Variants in HCN1 observed in about 807,000 individuals in gnomAD.
The protein encoded by HCN1 is hyperpolarization activated cyclic nucleotide gated potassium channel 1.
HCN1 carries 13 observed loss-of-function variants against 78.9 expected under a neutral mutation model. The observed-to-expected ratio is 0.16, with a 90% CI of 0.11 to 0.26. The LOEUF is 0.26. Ranked by LOEUF, HCN1 falls within the 10% of genes least tolerant of loss-of-function variation. HCN1 has a pLI of 1.00. For synonymous variants in HCN1, 552 were observed against 455.5 expected (o/e 1.21, Z -2.70); for missense variants, 810 against 1,154.3 (o/e 0.70, Z 4.32).
chr5:45,616,702 T>C (rs1036847680), intron 2 of HCN1, among the ~76,000 whole-genome samples: 1 of 152,000 alleles, frequency 6.6e-6, no homozygotes, highest in African/African-American at 2.4e-5. Flanking sequence ...TGAAAAAATA[T>C]CCTTTGGCTC....
intron 2 of HCN1, among the ~76,000 whole-genome samples, chr5:45,477,827 C>A (rs1741550115): frequency 6.6e-6 from 1 of 151,846 alleles, no homozygotes. Context: ...CTGCATAAAA[C>A]AAAATTTTAA....
intron 5 of HCN1, among the ~76,000 whole-genome samples, chr5:45,341,447 G>T (rs1227340089): frequency 6.6e-6 from 1 of 152,182 alleles, no homozygotes; most frequent in African/African-American, 2.4e-5. Flanking sequence ...GCTTTCAATG[G>T]AAGTTTTAAA....
chr5:45,330,845 A>G (rs1746329292), intron 5 of HCN1, among the ~76,000 whole-genome samples: 1 of 151,190 alleles, frequency 6.6e-6, no homozygotes, highest in Non-Finnish European at 1.5e-5. Context: ...TATATATTGG[A>G]AATTTTATCT....
intron 3 of HCN1, among the ~76,000 whole-genome samples, chr5:45,459,798 C>CT (rs965842047): frequency 2.0e-5 from 3 of 152,016 alleles, no homozygotes; most frequent in Non-Finnish European, 2.9e-5. Flanking sequence ...AATGAATCAT[C>CT]TTTTGGCAGT....
intron 2 of HCN1, among the ~76,000 whole-genome samples, chr5:45,639,746 G>A (rs1465866161): frequency 6.6e-6 from 1 of 152,134 alleles, no homozygotes; most frequent in East Asian, 1.9e-4. Context: ...GACACCGACT[G>A]CATACAAAAA....
intron 1 of HCN1, among the ~76,000 whole-genome samples, chr5:45,649,439 A>G (rs1161924424): frequency 3.3e-5 from 5 of 152,146 alleles, no homozygotes; most frequent in Non-Finnish European, 7.4e-5. Context: ...ACCAGAGCCC[A>G]CAGTTTACAT....
At chr5:45,400,397 T>TA (rs1739768992) in intron 3 of HCN1, among the ~76,000 whole-genome samples, 1 of 144,640 alleles carries the variant, frequency 6.9e-6, no homozygotes, top group Non-Finnish European at 1.5e-5. Flanking sequence ...AAAAATGCTT[T>TA]TTTTTTTTTT....
intron 2 of HCN1, among the ~76,000 whole-genome samples, chr5:45,626,334 G>A (rs758300331): frequency 2.6e-4 from 40 of 151,960 alleles, no homozygotes; most frequent in Admixed American, 7.2e-4. Context: ...GAAATACTAC[G>A]CTCAGCAATG....
At chr5:45,657,346 T>C (rs1208240566) in intron 1 of HCN1, among the ~76,000 whole-genome samples, 1 of 152,188 alleles carries the variant, frequency 6.6e-6, no homozygotes, top group Non-Finnish European at 1.5e-5. Flanking sequence ...TTTTGTCCTA[T>C]CTTCTTTCAT....
At chr5:45,444,167 C>G (rs1357152389) in intron 3 of HCN1, among the ~76,000 whole-genome samples, 1 of 152,156 alleles carries the variant, frequency 6.6e-6, no homozygotes, top group African/African-American at 2.4e-5. Context: ...TACTTTACTG[C>G]TTTCTTAATA....
intron 2 of HCN1, chr5:45,641,796 T>C (rs1745459350): frequency 6.6e-6 from 1 of 152,166 alleles, no homozygotes; most frequent in African/African-American, 2.4e-5. Context: ...GTAAAGGAAC[T>C]CTTCACCTTT....
intron 2 of HCN1, chr5:45,575,555 C>A (rs1743924302): frequency 6.6e-6 from 1 of 152,022 alleles, no homozygotes; most frequent in Middle Eastern, 3.4e-3. Flanking sequence ...CGCACATGTA[C>A]CCTAAAACTT....
chr5:45,395,018 A>G (rs918131438), intron 4 of HCN1, among the ~76,000 whole-genome samples: 3 of 152,204 alleles, frequency 2.0e-5, no homozygotes, highest in African/African-American at 7.2e-5. Context: ...TGAGTTTCCA[A>G]GTTAAACTTG....
At chr5:45,373,478 C>G (rs1424382828) in intron 4 of HCN1, among the ~76,000 whole-genome samples, 2 of 138,354 alleles carry the variant, frequency 1.4e-5, no homozygotes, top group African/African-American at 5.3e-5. Context: ...TATACATCAT[C>G]TATCATATAC....
At chr5:45,393,697 T>C (rs1002123532) in intron 4 of HCN1, among the ~76,000 whole-genome samples, 4 of 152,216 alleles carry the variant, frequency 2.6e-5, no homozygotes, top group African/African-American at 9.6e-5. Flanking sequence ...CAGGGCATTG[T>C]TTTTATATAT....
At chr5:45,460,351 G>T (rs1405004869) in intron 3 of HCN1, among the ~76,000 whole-genome samples, 1 of 152,068 alleles carries the variant, frequency 6.6e-6, no homozygotes, top group African/African-American at 2.4e-5. Flanking sequence ...CTTAGATACA[G>T]AAATTGAACG....
chr5:45,307,645 C>A (rs1745762541), intron 5 of HCN1, among the ~76,000 whole-genome samples: 1 of 151,982 alleles, frequency 6.6e-6, no homozygotes, highest in Non-Finnish European at 1.5e-5. Context: ...TAAAGATGAT[C>A]AAGGTAATCA....
intron 2 of HCN1, among the ~76,000 whole-genome samples, chr5:45,524,098 C>A (rs974214392): frequency 6.6e-6 from 1 of 152,154 alleles, no homozygotes; most frequent in African/African-American, 2.4e-5. Flanking sequence ...GTTTTCCCAG[C>A]ACCATTTATT....
chr5:45,660,019 G>T (rs1420314659), intron 1 of HCN1, among the ~76,000 whole-genome samples: 1 of 128,700 alleles, frequency 7.8e-6, no homozygotes, highest in African/African-American at 3.3e-5. Flanking sequence ...CACCAAAGTT[G>T]AAATGAAGGA....
Sources: gnomAD v4.1 joint callset for allele counts (sites outside exome capture counted in the v4.1 genomes callset) on GRCh38, gnomAD v4.1.1 for gene constraint, MANE v1.5 for transcripts, NCBI Gene and HGNC (gene_info 2026-07-23, HGNC 2026-07-21) for gene names.